NOTCH2NLC: variants seen among roughly 807,000 people sequenced by gnomAD.
The protein encoded by NOTCH2NLC is notch homolog 2 N-terminal-like protein C.
In NOTCH2NLC, 4 loss-of-function variants were observed where a neutral mutation model predicts 17.7. The ratio of observed to expected loss-of-function variants is 0.23; its 90% CI spans 0.11 to 0.52. The LOEUF is 0.52. NOTCH2NLC is among the 20% of genes least tolerant of loss of function. The pLI, the probability that NOTCH2NLC is intolerant of heterozygous loss-of-function variation, is 0.96. For missense variants in NOTCH2NLC, 57 were observed against 207.2 expected (o/e 0.28, Z 4.45); for synonymous variants, 18 against 86.0 (o/e 0.21, Z 4.38).
intron 1 of NOTCH2NLC, among the ~76,000 whole-genome samples, chr1:149,402,204 C>T (rs2084250374): frequency 2.7e-5 from 4 of 150,636 alleles, no homozygotes; most frequent in South Asian, 2.1e-4. Context: ...CTCAGCCTCC[C>T]GAGTAGCTGG....
rs1233147692 is a variant in NOTCH2NLC at position 149,402,327 on chromosome 1, C to T, written c.135+11405C>T. Among the ~76,000 whole-genome samples the T allele has an allele frequency of 5.3e-5, 8 of 151,012 alleles. No homozygotes were observed. The East Asian group carries it at 1.6e-3, about 30-fold the overall frequency. ...TACTCCTGACCTCAGGTGATCCACC[C>T]ACCTCAGCCTCCCAAAGTGCTGGGA... On this transcript the variant is annotated intron_variant, in intron 1 of 4. Coordinates refer to ENST00000650865, the MANE Select transcript of NOTCH2NLC (RefSeq NM_001364013.2).
intron 1 of NOTCH2NLC, among the ~76,000 whole-genome samples, chr1:149,413,504 A>G (rs1429505876): frequency 2.0e-5 from 3 of 151,272 alleles, no homozygotes; most frequent in Non-Finnish European, 4.4e-5. Flanking sequence ...AACAGTGCCA[A>G]GCTGTAAGCA....
At chr1:149,425,420 A>G (rs1279587275) in intron 1 of NOTCH2NLC, among the ~76,000 whole-genome samples, 18 of 151,348 alleles carry the variant, frequency 1.2e-4, no homozygotes, top group African/African-American at 4.4e-4. Context: ...AATGGAACTG[A>G]GTTCAATGAC....
chr1:149,445,826 C>G (rs1458294485), intron 2 of NOTCH2NLC, among the ~76,000 whole-genome samples: 1 of 140,684 alleles, frequency 7.1e-6, no homozygotes, highest in Non-Finnish European at 1.5e-5. Context: ...AAGCATGCCT[C>G]TCTTTTTCTT....
At chr1:149,412,142 C>CA (rs1290454619) in intron 1 of NOTCH2NLC, among the ~76,000 whole-genome samples, 49 of 138,566 alleles carry the variant, frequency 3.5e-4, no homozygotes, top group African/African-American at 1.0e-3. Context: ...AAAAAAAAAA[C>CA]AAAAAAAAGT....
In NOTCH2NLC at chr1:149,443,667, C is replaced by A. The variant is rs1252152888; in HGVS notation, c.210-11651C>A. On this transcript the variant is annotated intron_variant, in intron 2 of 4. Coordinates refer to ENST00000650865, the MANE Select transcript of NOTCH2NLC (RefSeq NM_001364013.2). ...CTGACTGAACAGCGTGTACAGAGGT[C>A]TGGAAGTGAGAAGTAGTGTACTATA... Among the ~76,000 whole-genome samples, 15 of 149,550 alleles carry A rather than the reference C, an allele frequency of 1.0e-4. 1 individual carries two copies. In the South Asian group the frequency reaches 3.2e-3, roughly 32 times the overall value.
intron 1 of NOTCH2NLC, among the ~76,000 whole-genome samples, chr1:149,426,836 TAA>T (rs1226438942): frequency 6.7e-6 from 1 of 149,938 alleles, no homozygotes; most frequent in Non-Finnish European, 1.5e-5. Flanking sequence ...TTGTTAAATT[TAA>T]GTGTTTTACA....
chr1:149,392,844 G>A (rs1406531165), intron 1 of NOTCH2NLC, among the ~76,000 whole-genome samples: 1 of 150,920 alleles, frequency 6.6e-6, no homozygotes, highest in African/African-American at 2.4e-5. Flanking sequence ...GGCCGAGGCG[G>A]GCGGATCACG....
At chr1:149,416,607 C>T (rs2084336492) in intron 1 of NOTCH2NLC, among the ~76,000 whole-genome samples, 1 of 106,220 alleles carries the variant, frequency 9.4e-6, no homozygotes, top group African/African-American at 3.6e-5. Context: ...TGATCTGGTT[C>T]CATCTCTAAC....
chr1:149,436,960 T>C (rs2084486133), intron 2 of NOTCH2NLC, among the ~76,000 whole-genome samples: 1 of 124,998 alleles, frequency 8.0e-6, no homozygotes. Context: ...AGTTATTTAT[T>C]GCATGCTATT....
intron 3 of NOTCH2NLC, among the ~76,000 whole-genome samples, chr1:149,460,363 G>A (rs1247111735): frequency 9.3e-6 from 1 of 107,226 alleles, no homozygotes; most frequent in Admixed American, 1.1e-4. Flanking sequence ...TTTTTGAGAT[G>A]GAGTATTGCT....
At chr1:149,400,132 A>ATATATATATATATATAT (rs1464101913) in intron 1 of NOTCH2NLC, among the ~76,000 whole-genome samples, 4 of 125,024 alleles carry the variant, frequency 3.2e-5, no homozygotes, top group Non-Finnish European at 5.1e-5. Context: ...ATATATATAT[A>ATATATATATATATATAT]ATATATATTT....
rs2084719476 is a variant in NOTCH2NLC, at chr1:149,471,523, A to G, written c.*7370A>G. On this transcript the variant is annotated 3_prime_UTR_variant, in exon 5 of 5. Transcript: ENST00000650865. ...TCTAACTTGATTCTTTTACATGTGG[A>G]TATTTAGTTGTCCCAGGACCATTTG... Among the ~76,000 whole-genome samples the G allele has an allele frequency of 1.3e-5, 2 of 150,386 alleles. No homozygotes were observed. Among genetic ancestry groups the G allele is most frequent in the African/African-American group, 4.9e-5 (2 of 40,928 alleles).
In NOTCH2NLC at chr1:149,425,382, TC is replaced by T. The variant is rs1426798614; in HGVS notation, c.136-5559del. Among the ~76,000 whole-genome samples the T allele has an allele frequency of 1.2e-4, 18 of 150,714 alleles. 1 individual carries two copies. Among genetic ancestry groups the T allele is most frequent in the Non-Finnish European group, 2.5e-4 (17 of 67,452 alleles). On this transcript the variant is annotated intron_variant, in intron 1 of 4. Transcript: ENST00000650865. Reference sequence around the variant, plus strand: ...TAGATAGTAATGAGGAAGGCAGAAATCAGTGGAAGCACAGACATGCGTGGAG... The same window carrying T: ...TAGATAGTAATGAGGAAGGCAGAAATAGTGGAAGCACAGACATGCGTGGAG...
In NOTCH2NLC at chr1:149,391,017, C is replaced by T. The variant is rs2084163078; in HGVS notation, c.135+95C>T. ...TCGGTCCTTCTCTGTGTGGGAAGGC[C>T]AGGCTCGGCCGCCGGCGCGGAGCGA... is the stretch of plus-strand genomic sequence containing the variant. On this transcript the variant is annotated intron_variant, in intron 1 of 4. Transcript: ENST00000650865. 7 of 1,034,906 alleles carry T rather than the reference C, an allele frequency of 6.8e-6. 1 individual carries two copies. The highest frequency in any genetic ancestry group is 7.5e-4 in the Middle Eastern group (2 of 2,672). 64.1% of individuals were successfully genotyped at this position (1,034,906 alleles called of 1,614,324 possible).
chr1:149,428,759 G>T (rs2084426665), intron 1 of NOTCH2NLC, among the ~76,000 whole-genome samples: 1 of 148,092 alleles, frequency 6.8e-6, no homozygotes, highest in Non-Finnish European at 1.5e-5. Flanking sequence ...TTGCAGTTAG[G>T]GGTACAGACA....
At chr1:149,398,953 GCTCTCTCACC>G (rs1255260967) in intron 1 of NOTCH2NLC, among the ~76,000 whole-genome samples, 3 of 152,190 alleles carry the variant, frequency 2.0e-5, no homozygotes, top group Non-Finnish European at 4.4e-5. Flanking sequence ...GTTAAGAGTA[GCTCTCTCACC>G]CTTATTATAT....
intron 1 of NOTCH2NLC, among the ~76,000 whole-genome samples, chr1:149,428,487 T>C (rs2084424906): frequency 1.3e-5 from 2 of 151,008 alleles, no homozygotes; most frequent in South Asian, 4.2e-4. Context: ...GGGTTGTTTG[T>C]ATTTCTCTGA....
chr1:149,398,610 T>C (rs1381470506), intron 1 of NOTCH2NLC, among the ~76,000 whole-genome samples: 69 of 151,102 alleles, frequency 4.6e-4, no homozygotes, highest in Non-Finnish European at 5.9e-4. Flanking sequence ...TTGGCCTTTA[T>C]TAGGTATGAT....
Sources: allele counts gnomAD v4.1 joint callset (sites outside exome capture counted in the v4.1 genomes callset), GRCh38; gene constraint gnomAD v4.1.1; transcripts MANE v1.5; gene names NCBI Gene and HGNC (gene_info 2026-07-23, HGNC 2026-07-21).